Variants in SLC35F3 observed in about 807,000 individuals in gnomAD.
SLC35F3 encodes solute carrier family 35 member F3.
A neutral mutation model predicts 49.9 loss-of-function variants in SLC35F3; 25 were observed. The observed-to-expected ratio is 0.50, with a 90% CI of 0.37 to 0.70. The LOEUF (loss-of-function observed/expected upper bound fraction) is 0.70, where lower values mean the gene tolerates loss of function less well. SLC35F3 is among the 30% of genes least tolerant of loss of function. The probability of loss-of-function intolerance (pLI) is 0.00; values close to 1 mark genes in which losing one functional copy is unlikely to be tolerated. For missense variants in SLC35F3, 525 were observed against 639.8 expected, an observed-to-expected ratio of 0.82 and a Z score of 1.94; for synonymous variants, 275 against 265.4, an observed-to-expected ratio of 1.04 and a Z score of -0.35.
intron 3 of SLC35F3, among the ~76,000 whole-genome samples, chr1:234,249,301 C>T (rs1572114792): frequency 6.6e-6 from 1 of 152,186 alleles, no homozygotes; most frequent in Non-Finnish European, 1.5e-5. Flanking sequence ...TAGCTTCTTT[C>T]ACAGGTTTTT....
intron 2 of SLC35F3, among the ~76,000 whole-genome samples, chr1:234,118,356 C>T (rs1176201019): frequency 6.6e-6 from 1 of 152,184 alleles, no homozygotes; most frequent in African/African-American, 2.4e-5. Flanking sequence ...GGATTTCCAT[C>T]TCCATTGACA....
At chr1:234,318,112 G>A (rs538705627) in intron 5 of SLC35F3, among the ~76,000 whole-genome samples, 3 of 152,348 alleles carry the variant, frequency 2.0e-5, no homozygotes, top group South Asian at 4.1e-4. Context: ...CTCACTCAGC[G>A]CAGGAGCTGC....
At chr1:234,063,794 G>A (rs777004736) in intron 2 of SLC35F3, among the ~76,000 whole-genome samples, 3 of 152,104 alleles carry the variant, frequency 2.0e-5, no homozygotes, top group Non-Finnish European at 4.4e-5. Flanking sequence ...GACCCAGCCT[G>A]CCACAATCCC....
At chr1:234,244,644 A>ATTTTTTT in intron 3 of SLC35F3, among the ~76,000 whole-genome samples, 1 of 151,184 alleles carries the variant, frequency 6.6e-6, no homozygotes. Context: ...GAAATTAGTC[A>ATTTTTTT]GGTCTGAAAT....
chr1:233,951,694 C>T (rs1662610267), intron 2 of SLC35F3, among the ~76,000 whole-genome samples: 1 of 151,902 alleles, frequency 6.6e-6, no homozygotes, highest in African/African-American at 2.4e-5. Flanking sequence ...AACCTTTCCA[C>T]ATGTAGATGA....
intron 3 of SLC35F3, among the ~76,000 whole-genome samples, chr1:234,249,903 A>G (rs2102962474): frequency 6.6e-6 from 1 of 152,336 alleles, no homozygotes; most frequent in African/African-American, 2.4e-5. Context: ...TGGTCAAAGC[A>G]GTTTGTGGAA....
intron 2 of SLC35F3, among the ~76,000 whole-genome samples, chr1:234,207,267 T>A (rs1666984437): frequency 6.6e-6 from 1 of 151,166 alleles, no homozygotes; most frequent in African/African-American, 2.4e-5. Context: ...CGTGGCTTCA[T>A]CACTCCTGGT....
chr1:234,289,306 A>G (rs1321279350), intron 3 of SLC35F3, among the ~76,000 whole-genome samples: 1 of 152,236 alleles, frequency 6.6e-6, no homozygotes, highest in Non-Finnish European at 1.5e-5. Context: ...AAGTTTAAAG[A>G]AAATACATAC....
chr1:233,983,551 A>G (rs564653253), intron 2 of SLC35F3, among the ~76,000 whole-genome samples: 4 of 152,324 alleles, frequency 2.6e-5, no homozygotes, highest in African/African-American at 7.2e-5. Flanking sequence ...CTTTTATCCT[A>G]CCTTTTACAG....
intron 2 of SLC35F3, among the ~76,000 whole-genome samples, chr1:234,003,473 C>T (rs985764612): frequency 5.9e-5 from 9 of 152,054 alleles, no homozygotes; most frequent in Non-Finnish European, 1.0e-4. Flanking sequence ...CCATACAAAA[C>T]AAAGTTAGGC....
At chr1:233,953,304 GT>G (rs1468252947) in intron 2 of SLC35F3, among the ~76,000 whole-genome samples, 132 of 152,280 alleles carry the variant, frequency 8.7e-4, no homozygotes, top group Non-Finnish European at 1.0e-3. Flanking sequence ...AGTTAAGAGT[GT>G]TTTAAATTTT....
At chr1:234,132,241 A>C (rs931313906) in intron 2 of SLC35F3, among the ~76,000 whole-genome samples, 1 of 152,138 alleles carries the variant, frequency 6.6e-6, no homozygotes, top group South Asian at 2.1e-4. Flanking sequence ...ATTATATAAC[A>C]TCCTGCTTCA....
intron 3 of SLC35F3, among the ~76,000 whole-genome samples, chr1:234,299,823 A>AAAAAAT (rs747533974): frequency 6.6e-5 from 10 of 150,518 alleles, no homozygotes; most frequent in Non-Finnish European, 8.9e-5. Flanking sequence ...AAAAAAAAAA[A>AAAAAAT]AGAGAAGAAA....
In SLC35F3 at chr1:234,323,612, T is replaced by A. The variant is rs531931844; in HGVS notation, c.*369T>A. ...AGCAACTGAACATGACATTGCACAC[T>A]GTGATTATTTTTCAGCTATGGTAGG... is the stretch of plus-strand genomic sequence containing the variant. On this transcript the variant is annotated 3_prime_UTR_variant, in exon 8 of 8. Coordinates refer to ENST00000366618, the MANE Select transcript of SLC35F3 (RefSeq NM_173508.4). This position sits in a 1 kb window ranked among gnomAD's most constrained non-coding sequence, Gnocchi z 4.5. 4.5e-6 allele frequency: 1 copy of A among 223,564 alleles called. No individual in the cohort carries two copies. The highest frequency in any genetic ancestry group is 1.0e-4 in the East Asian group (1 of 9,722). The allele number at this position is 223,564 out of a possible 1,614,324, so 13.8% of individuals were successfully genotyped here.
chr1:234,285,795 G>T (rs1478903019), intron 3 of SLC35F3, among the ~76,000 whole-genome samples: 1 of 152,194 alleles, frequency 6.6e-6, no homozygotes, highest in Non-Finnish European at 1.5e-5. Context: ...AGAATGTGTG[G>T]TGGACACTGT....
chr1:234,286,319 A>G (rs932045601), intron 3 of SLC35F3, among the ~76,000 whole-genome samples: 1 of 152,198 alleles, frequency 6.6e-6, no homozygotes, highest in African/African-American at 2.4e-5. Context: ...AGGGCCAAAT[A>G]GAACAGAAAA....
chr1:234,157,677 T>C (rs529553070), intron 2 of SLC35F3, among the ~76,000 whole-genome samples: 1 of 152,320 alleles, frequency 6.6e-6, no homozygotes, highest in East Asian at 1.9e-4. Flanking sequence ...ATTCTCCTTG[T>C]ACTCTGGGTT....
intron 2 of SLC35F3, among the ~76,000 whole-genome samples, chr1:234,145,255 G>A (rs538167518): frequency 6.6e-6 from 1 of 152,258 alleles, no homozygotes; most frequent in African/African-American, 2.4e-5. Flanking sequence ...ATCCACTTTG[G>A]ATGTCATCCT....
At chr1:234,199,441 G>A (rs1202942743) in intron 2 of SLC35F3, among the ~76,000 whole-genome samples, 1 of 152,092 alleles carries the variant, frequency 6.6e-6, no homozygotes, top group Non-Finnish European at 1.5e-5. Flanking sequence ...TCATTCACAT[G>A]CAGAAGAATG....
Sources: gnomAD v4.1 joint callset for allele counts (sites outside exome capture counted in the v4.1 genomes callset) on GRCh38, gnomAD v4.1.1 for gene constraint, Gnocchi (gnomAD v3.1) non-coding constraint, MANE v1.5 for transcripts, NCBI Gene and HGNC (gene_info 2026-07-23, HGNC 2026-07-21) for gene names.